SDK1: variants seen among roughly 807,000 people sequenced by gnomAD.
SDK1 encodes the protein sidekick cell adhesion molecule 1, also known as protein sidekick-1.
SDK1 carries 157 observed loss-of-function variants against 245.5 expected under a neutral mutation model. That is an observed-to-expected ratio of 0.64 (90% CI 0.56 to 0.73). SDK1 has a LOEUF of 0.73. Ranked by LOEUF, SDK1 falls within the 30% of genes least tolerant of loss-of-function variation. The pLI is 0.00. For synonymous variants in SDK1, 1,647 were observed against 1,278.5 expected, an observed-to-expected ratio of 1.29 and a Z score of -6.15; for missense variants, 3,583 against 3,002.3, an observed-to-expected ratio of 1.19 and a Z score of -4.52.
chr7:3,963,974 G>A lies in SDK1; in HGVS notation c.1429+1123G>A, dbSNP rs182353107. 7.2e-4 allele frequency among the ~76,000 whole-genome samples: 110 copies of A among 152,312 alleles called. 1 individual carries two copies. The highest frequency in any genetic ancestry group is 7.9e-4 in the Non-Finnish European group (54 of 68,032). On this transcript the variant is annotated intron_variant, in intron 9 of 44. Coordinates refer to ENST00000404826, the MANE Select transcript of SDK1 (RefSeq NM_152744.4). ...ACGGCTACCCAGATGTATCCAGTGG[G>A]TACACCCACGCCCACGGCTACCCGG...
In SDK1 at chr7:3,755,605, A is replaced by G. The variant is rs1446798572; in HGVS notation, c.714-65845A>G. ...GGAACAGAGTCTGATAACCACCTCCACAGCCAAAATACAGAACGTCATCTC... is the reference window on the plus strand; with the variant it reads ...GGAACAGAGTCTGATAACCACCTCCGCAGCCAAAATACAGAACGTCATCTC... On this transcript the variant is annotated intron_variant, in intron 4 of 44. Coordinates refer to ENST00000404826, the MANE Select transcript of SDK1 (RefSeq NM_152744.4). Among the ~76,000 whole-genome samples, 4 of 152,272 alleles carry G rather than the reference A, an allele frequency of 2.6e-5. No individual in the cohort carries two copies. The East Asian group carries it at 5.8e-4, about 22-fold the overall frequency.
At chr7:3,751,324 G>A (rs941877739) in intron 4 of SDK1, among the ~76,000 whole-genome samples, 26 of 152,224 alleles carry the variant, frequency 1.7e-4, no homozygotes, top group African/African-American at 4.6e-4. Flanking sequence ...TTCCTGTCCT[G>A]TAAACCTTGA....
intron 1 of SDK1, among the ~76,000 whole-genome samples, chr7:3,485,683 GTTT>G (rs71552309): frequency 1.9e-3 from 74 of 38,164 alleles, no homozygotes; most frequent in Non-Finnish European, 2.8e-3. Context: ...TCTTTGGAGG[GTTT>G]TTTTTTTTTT....
At chr7:4,211,138 G>A (rs1195356464) in intron 38 of SDK1, among the ~76,000 whole-genome samples, 1 of 152,166 alleles carries the variant, frequency 6.6e-6, no homozygotes, top group Non-Finnish European at 1.5e-5. Context: ...GATCCCTCGG[G>A]CCCAATCCCC....
Position 3,575,740 on chromosome 7 carries a change from A to G in SDK1, c.299-43340A>G, listed in dbSNP as rs1477372696. Among the ~76,000 whole-genome samples, 6 of 152,054 alleles carry G rather than the reference A, an allele frequency of 3.9e-5. 1 individual carries two copies. Among genetic ancestry groups the G allele is most frequent in the Non-Finnish European group, 8.8e-5 (6 of 67,964 alleles). ...AACTCTTCATTTTTTTTGTTCTCCC[A>G]GATTTATGGGAATGTAGTAGAAACA... On this transcript the variant is annotated intron_variant, in intron 1 of 44. Transcript: ENST00000404826.
At chr7:3,723,926 A>G (rs6976027) in intron 4 of SDK1, among the ~76,000 whole-genome samples, 4 of 107,026 alleles carry the variant, frequency 3.7e-5, no homozygotes, top group Non-Finnish European at 7.9e-5. Flanking sequence ...ATATACACGT[A>G]TATATATATA....
intron 1 of SDK1, among the ~76,000 whole-genome samples, chr7:3,426,750 AAATT>A (rs1328447359): frequency 2.0e-5 from 3 of 152,254 alleles, no homozygotes; most frequent in South Asian, 2.1e-4. Context: ...ACTCTCAAAT[AAATT>A]AATTCCGTTT....
chr7:4,216,511 G>A (rs767384278), intron 38 of SDK1, among the ~76,000 whole-genome samples: 5 of 152,190 alleles, frequency 3.3e-5, no homozygotes, highest in East Asian at 1.9e-4. Context: ...CCACAAAAGC[G>A]GTAACTGGAC....
At chr7:3,387,993 A>G (rs906379097) in intron 1 of SDK1, among the ~76,000 whole-genome samples, 11 of 152,202 alleles carry the variant, frequency 7.2e-5, no homozygotes, top group African/African-American at 2.4e-4. Flanking sequence ...TTAGCTCCAT[A>G]GCTCATGCTG....
At chr7:3,366,420 TC>T (rs1385427615) in intron 1 of SDK1, among the ~76,000 whole-genome samples, 2 of 152,092 alleles carry the variant, frequency 1.3e-5, no homozygotes, top group African/African-American at 4.8e-5. Context: ...TCTTCCTCAC[TC>T]CTTTTTACAG....
At chr7:3,758,939 CTAATCCA>C (rs1780016982) in intron 4 of SDK1, among the ~76,000 whole-genome samples, 1 of 152,170 alleles carries the variant, frequency 6.6e-6, no homozygotes, top group Non-Finnish European at 1.5e-5. Context: ...ATTTCTGAGT[CTAATCCA>C]GTACCATGGG....
chr7:4,046,888 G>A (rs1320504845), intron 17 of SDK1, among the ~76,000 whole-genome samples: 1 of 151,842 alleles, frequency 6.6e-6, no homozygotes, highest in African/African-American at 2.4e-5. Context: ...GTGTAGCTGG[G>A]ATTTAGATTG....
chr7:3,788,363 G>A (rs1780972152), intron 4 of SDK1, among the ~76,000 whole-genome samples: 2 of 152,178 alleles, frequency 1.3e-5, no homozygotes, highest in South Asian at 2.1e-4. Context: ...TTTGAGAAAT[G>A]CAGTCTCGTG....
chr7:3,557,871 A>T (rs1012538543), intron 1 of SDK1, among the ~76,000 whole-genome samples: 2 of 152,182 alleles, frequency 1.3e-5, no homozygotes, highest in Non-Finnish European at 2.9e-5. Flanking sequence ...TTATGTTGAG[A>T]CATTGCATTC....
At chr7:3,314,532 G>A (rs1332375891) in intron 1 of SDK1, among the ~76,000 whole-genome samples, 2 of 152,190 alleles carry the variant, frequency 1.3e-5, no homozygotes, top group Non-Finnish European at 2.9e-5. Flanking sequence ...GTTAGTTACA[G>A]ATGAGATTGT....
intron 28 of SDK1, among the ~76,000 whole-genome samples, chr7:4,144,361 G>A (rs1460166271): frequency 6.6e-6 from 1 of 151,660 alleles, no homozygotes; most frequent in Non-Finnish European, 1.5e-5. Context: ...CACTCTGGGG[G>A]CCTAAGTTCA....
rs117925134 is a variant in SDK1 at position 3,967,308 on chromosome 7, C to A, written c.1430-10C>A. On this transcript the variant is annotated splice_polypyrimidine_tract_variant and intron_variant, in intron 9 of 44. Transcript: ENST00000404826. ...AAGGCCCTGATCATTTCATTTACTCCTCTTCTCAGATATCGCTCCAGTGTT... is the reference window on the plus strand; with the variant it reads ...AAGGCCCTGATCATTTCATTTACTCATCTTCTCAGATATCGCTCCAGTGTT... 8.7e-6 allele frequency: 14 copies of A among 1,603,922 alleles called. No individual in the cohort carries two copies. Among genetic ancestry groups the A allele is most frequent in the Middle Eastern group, 1.7e-4 (1 of 6,040 alleles).
chr7:4,179,613 C>T (rs139821956), intron 35 of SDK1, among the ~76,000 whole-genome samples: 19 of 152,072 alleles, frequency 1.2e-4, no homozygotes, highest in African/African-American at 4.3e-4. Flanking sequence ...CCTCTCTTTG[C>T]ACGAAAATAT....
chr7:4,241,224 C>A (rs1163379714), intron 42 of SDK1, among the ~76,000 whole-genome samples: 3 of 152,132 alleles, frequency 2.0e-5, no homozygotes, highest in Non-Finnish European at 2.9e-5. Flanking sequence ...AGCTCTGTAC[C>A]CTTTCTTTAG....
Sources: allele counts gnomAD v4.1 joint callset (sites outside exome capture counted in the v4.1 genomes callset), GRCh38; gene constraint gnomAD v4.1.1; transcripts MANE v1.5; gene names NCBI Gene and HGNC (gene_info 2026-07-23, HGNC 2026-07-21).